CCDC169: variants seen among roughly 807,000 people sequenced by gnomAD.
CCDC169 encodes coiled-coil domain containing 169.
CCDC169 carries 30 observed loss-of-function variants against 36.0 expected under a neutral mutation model. The observed-to-expected ratio is 0.83, with a 90% CI of 0.62 to 1.13. The LOEUF is 1.13. CCDC169 is among the 50% of genes most tolerant of loss of function. The pLI is 0.00. For missense variants in CCDC169, 245 were observed against 245.9 expected, an observed-to-expected ratio of 1.00 and a Z score of 0.03; for synonymous variants, 85 against 81.5, an observed-to-expected ratio of 1.04 and a Z score of -0.23.
At chr13:36,254,257 A>G (rs1873542997) in intron 4 of CCDC169, 114 bp from the exon 5 acceptor site, 6 of 611,812 alleles carry the variant, frequency 9.8e-6, no homozygotes, top group South Asian at 2.8e-5. Context: ...TTGTGATTTC[A>G]TAATTCTATG....
intron 7 of CCDC169, among the ~76,000 whole-genome samples, chr13:36,232,638 AT>A: frequency 5.2e-5 from 3 of 57,894 alleles, no homozygotes; most frequent in Admixed American, 1.9e-4. Context: ...TGTACTAAGA[AT>A]ACAAAAAAAG....
chr13:36,254,236 T>C (rs953616586), intron 4 of CCDC169, 93 bp from the exon 5 acceptor site: 105 of 773,928 alleles, frequency 1.4e-4, no homozygotes, highest in Non-Finnish European at 1.8e-4. Flanking sequence ...ATGCCTTGTA[T>C]ACCTAATATT....
intron 7 of CCDC169, among the ~76,000 whole-genome samples, chr13:36,235,664 A>G (rs9531646): frequency 0.4 from 61,238 of 151,392 alleles, 13,145 homozygotes; most frequent in Non-Finnish European, 0.48. Flanking sequence ...AAGGCATCCA[A>G]ATTAGAAGAA....
intron 4 of CCDC169, among the ~76,000 whole-genome samples, chr13:36,265,702 GT>G (rs1015814835): frequency 2.0e-5 from 3 of 152,202 alleles, no homozygotes; most frequent in African/African-American, 7.2e-5. Flanking sequence ...AGTTTCAGAA[GT>G]TTTTATTTGG....
intron 4 of CCDC169, 167 bp downstream of exon 4, chr13:36,283,302 C>T (rs1368339066): frequency 7.5e-6 from 5 of 662,740 alleles, no homozygotes; most frequent in Admixed American, 2.9e-5. Context: ...TAGTGCTCCA[C>T]CTATAGCTAC....
At chr13:36,238,852 T>C (rs1031351226) in intron 7 of CCDC169, among the ~76,000 whole-genome samples, 8 of 152,146 alleles carry the variant, frequency 5.3e-5, no homozygotes, top group African/African-American at 1.9e-4. Context: ...ATTAGTGGAT[T>C]GATTTACTGA....
chr13:36,283,499 A>G lies in CCDC169; in HGVS notation c.285T>C (p.Ser95=), dbSNP rs1170303185. ...GCATTCGTTCATAGACACGAATAGA[A>G]GATAGTCTATCTACAATAAATCAAA... ...KIHGNSSDRL[S]SIRVYERMPV... Residue 95 remains serine (S), a synonymous_variant, in exon 4 of 8, where the codon TCT becomes TCC. Coordinates refer to ENST00000239859, the MANE Select transcript of CCDC169 (RefSeq NM_001144981.3). The G allele has an allele frequency of 6.4e-7, 1 of 1,550,398 alleles. No homozygotes were observed. The highest frequency in any genetic ancestry group is 1.2e-5 in the South Asian group (1 of 84,008).
chr13:36,247,640 G>A (rs1872667158), intron 7 of CCDC169, among the ~76,000 whole-genome samples: 1 of 152,162 alleles, frequency 6.6e-6, no homozygotes, highest in Non-Finnish European at 1.5e-5. Flanking sequence ...AGCCTGAAGA[G>A]GTGACTGACT....
intron 2 of CCDC169, among the ~76,000 whole-genome samples, chr13:36,291,993 T>C (rs1464053272): frequency 1.3e-5 from 2 of 150,592 alleles, no homozygotes; most frequent in African/African-American, 4.9e-5. Context: ...AGTCTTCTTT[T>C]TTTTTTTTTT....
chr13:36,254,172 T>C (rs1365665138), intron 4 of CCDC169, 29 bp from the exon 5 acceptor site: 1 of 1,416,656 alleles, frequency 7.1e-7, no homozygotes, highest in East Asian at 2.5e-5. Context: ...AAATTTTATA[T>C]GTACTCATGT....
intron 6 of CCDC169, among the ~76,000 whole-genome samples, chr13:36,253,571 G>A (rs1254590005): frequency 2.6e-5 from 4 of 152,066 alleles, no homozygotes; most frequent in Admixed American, 2.6e-4. Flanking sequence ...GCCTGACCTC[G>A]TGATCCGACC....
chr13:36,231,903 T>C (rs1030076451), intron 7 of CCDC169, among the ~76,000 whole-genome samples: 21 of 152,226 alleles, frequency 1.4e-4, no homozygotes, highest in African/African-American at 5.1e-4. Flanking sequence ...TTTTAAAATA[T>C]GTAACATGTA....
At chr13:36,228,818 CA>C (rs1360706624), downstream of CCDC169, among the ~76,000 whole-genome samples, 7 of 152,114 alleles carry the variant, frequency 4.6e-5, no homozygotes, top group African/African-American at 1.7e-4. Flanking sequence ...CCCAAAGTGA[CA>C]GGGGGTGTGA....
intron 7 of CCDC169, among the ~76,000 whole-genome samples, chr13:36,241,740 G>A (rs1275369450): frequency 7.2e-5 from 4 of 55,292 alleles, no homozygotes; most frequent in African/African-American, 1.8e-4. Context: ...TATATTACTG[G>A]AATTGTTGGG....
At chr13:36,262,874 G>A (rs929827942) in intron 4 of CCDC169, among the ~76,000 whole-genome samples, 3 of 152,124 alleles carry the variant, frequency 2.0e-5, no homozygotes. Context: ...TCCACCTCTA[G>A]ACTAATGAGC....
At chr13:36,246,992 G>A (rs1872576496) in intron 7 of CCDC169, among the ~76,000 whole-genome samples, 1 of 152,144 alleles carries the variant, frequency 6.6e-6, no homozygotes, top group Non-Finnish European at 1.5e-5. Flanking sequence ...AGGTTGACTT[G>A]TCTAATGCAG....
At chr13:36,276,309 G>T (rs9547064) in intron 4 of CCDC169, among the ~76,000 whole-genome samples, 38,496 of 151,900 alleles carry the variant, frequency 0.25, 5,153 homozygotes, top group East Asian at 0.49. Context: ...AATGATTTCC[G>T]TAAGTTTTGG....
intron 4 of CCDC169, among the ~76,000 whole-genome samples, chr13:36,269,109 A>C (rs1875714716): frequency 6.8e-6 from 1 of 146,902 alleles, no homozygotes; most frequent in Admixed American, 7.3e-5. Flanking sequence ...AACTCAAATA[A>C]AAAAAAAAAA....
intron 4 of CCDC169, among the ~76,000 whole-genome samples, chr13:36,272,331 G>C (rs770735340): frequency 6.6e-6 from 1 of 151,812 alleles, no homozygotes; most frequent in African/African-American, 2.4e-5. Flanking sequence ...CCCATGTTTC[G>C]CAGTAATGGG....
Sources: gnomAD v4.1 joint callset for allele counts (sites outside exome capture counted in the v4.1 genomes callset) on GRCh38, gnomAD v4.1.1 for gene constraint, MANE v1.5 for transcripts, NCBI Gene and HGNC (gene_info 2026-07-23, HGNC 2026-07-21) for gene names.